The following TRPM6 variants were observed in gnomAD, a reference collection of about 807,000 sequenced individuals.
The protein encoded by TRPM6 is channel kinase 2.
In TRPM6, 111 loss-of-function variants were observed where a neutral mutation model predicts 247.6. The observed-to-expected ratio is 0.45, with a 90% CI of 0.38 to 0.52. The LOEUF (loss-of-function observed/expected upper bound fraction) is 0.52. TRPM6 is among the 20% of genes least tolerant of loss of function. The pLI, the probability that TRPM6 is intolerant of heterozygous loss-of-function variation, is 0.00. For synonymous variants in TRPM6, 892 were observed against 853.8 expected (o/e 1.04, Z -0.78); for missense variants, 2,126 against 2,421.5 (o/e 0.88, Z 2.56).
In TRPM6 at chr9:74,792,657, G is replaced by A. The variant is rs745445346; in HGVS notation, c.2505C>T (p.Tyr835=). ...ACCAAAACTTGACAATTGGAGCACT[G>A]TAGAACTCATAGACTTTCCTGGTCC... ...LPWTRKVYEF[Y]SAPIVKFWFY... Residue 835 remains tyrosine, a synonymous_variant, in exon 19 of 39, where the codon TAC becomes TAT. Transcript: ENST00000360774. 17 of 1,614,102 alleles carry A rather than the reference G, an allele frequency of 1.1e-5. No individual in the cohort carries two copies. The highest frequency in any genetic ancestry group is 1.4e-5 in the Non-Finnish European group (17 of 1,179,990).
chr9:74,739,298 A>G (rs1417896161), intron 35 of TRPM6, 69 bp downstream of exon 35: 3 of 1,348,356 alleles, frequency 2.2e-6, no homozygotes, highest in Admixed American at 1.7e-5. Flanking sequence ...TCTCATGAGT[A>G]ATGGGCTGAG....
At chr9:74,801,828 G>T in intron 16 of TRPM6, 70 bp downstream of exon 16, 1 of 1,570,064 alleles carries the variant, frequency 6.4e-7, no homozygotes, top group Non-Finnish European at 8.7e-7. Flanking sequence ...TTAAAGATGA[G>T]AGAGATAAAA....
intron 11 of TRPM6, among the ~76,000 whole-genome samples, chr9:74,814,038 A>G (rs1166200517): frequency 6.6e-6 from 1 of 152,202 alleles, no homozygotes; most frequent in Non-Finnish European, 1.5e-5. Flanking sequence ...TGGACATTGC[A>G]ATAAGCCAAG....
chr9:74,731,548 G>C (rs1479797372), intron 37 of TRPM6, among the ~76,000 whole-genome samples: 1 of 151,698 alleles, frequency 6.6e-6, no homozygotes, highest in Admixed American at 6.6e-5. Flanking sequence ...TACACTTTTA[G>C]ATGGGCCTCT....
At chr9:74,825,077 T>G (rs1400240659) in intron 7 of TRPM6, among the ~76,000 whole-genome samples, 1 of 151,998 alleles carries the variant, frequency 6.6e-6, no homozygotes, top group East Asian at 1.9e-4. Flanking sequence ...CTGGCCAACA[T>G]GGTAAAATCC....
chr9:74,785,630 C>T (rs1004588541), intron 21 of TRPM6, among the ~76,000 whole-genome samples: 3 of 152,118 alleles, frequency 2.0e-5, no homozygotes, highest in East Asian at 3.9e-4. Context: ...TCGTGCTATT[C>T]TCCCGCCTCA....
At position 74,782,405 on chromosome 9, in the gene TRPM6, C is replaced by T. The variant is rs1326571274; in HGVS notation, c.3166G>A (p.Val1056Met). Residue 1056 changes from valine to methionine, a missense_variant, in exon 23 of 39, where the codon GTG (valine) becomes ATG (methionine). Val to Met is a conservative substitution (Grantham distance 21, BLOSUM62 1). Around this residue, in one of 3 missense-constraint regions of TRPM6, gnomAD observed 1,082 missense variants for 1,307.9 expected, o/e 0.83. Coordinates refer to ENST00000360774, the MANE Select transcript of TRPM6 (RefSeq NM_017662.5). The stretch of plus-strand genomic sequence containing the variant: ...AGGTTCACCATGATGATATATTGCA[C>T]GAAGAGGTAGACAGCTTGCAAGAAT... ...TPFLQAVYLF[V>M]QYIIMVNLLI... The T allele has an allele frequency of 1.2e-5, 19 of 1,613,746 alleles. No individual in the cohort carries two copies. Among genetic ancestry groups the T allele is most frequent in the South Asian group, 4.4e-5 (4 of 91,046 alleles).
At chr9:74,731,148 G>A (rs1225251429) in intron 37 of TRPM6, among the ~76,000 whole-genome samples, 1 of 152,134 alleles carries the variant, frequency 6.6e-6, no homozygotes, top group African/African-American at 2.4e-5. Flanking sequence ...CCTGTCAAGT[G>A]GGATAATATA....
At chr9:74,752,244 T>C in intron 29 of TRPM6, 33 bp downstream of exon 29, 1 of 1,327,326 alleles carries the variant, frequency 7.5e-7, no homozygotes, top group Non-Finnish European at 1.1e-6. Context: ...CATGCTCGAA[T>C]GCTTTTTTTT....
At position 74,724,618 on chromosome 9, in the gene TRPM6, G is replaced by C. The variant is rs752611015; in HGVS notation, c.6064C>G (p.Leu2022Val). The C allele has an allele frequency of 3.7e-6, 6 of 1,614,160 alleles. No individual in the cohort carries two copies. The South Asian group carries it at 5.5e-5, about 15-fold the overall frequency. ...ATCTTCTTGCTCCTCCCTTTTTATA[G>C]TTGCATATCATCTTCTGGGGAATTT... ...GRNSPEDDMQ[L>V] The change falls in exon 39 of 39, where the codon CTA becomes GTA. Residue 2022 changes from leucine (L) to valine (V), a missense_variant. Physicochemically the swap from Leu to Val is conservative, Grantham distance 32 (BLOSUM62 1). Coordinates refer to ENST00000360774, the MANE Select transcript of TRPM6 (RefSeq NM_017662.5).
At position 74,827,793 on chromosome 9, in the gene TRPM6, G is replaced by T. The variant is rs1829393625; in HGVS notation, c.826C>A (p.Gln276Lys). 1 of 1,614,116 alleles carries T rather than the reference G, an allele frequency of 6.2e-7. No homozygotes were observed. ...RRNLEKYLSL[Q>K]KIHCRSRQGV... ...TGATACTCACGGCAGTGTATTTTCTGCAGAGAGAGGTACTTCTCCAGGTTC... is the reference window on the plus strand; with the variant it reads ...TGATACTCACGGCAGTGTATTTTCTTCAGAGAGAGGTACTTCTCCAGGTTC... Residue 276 changes from glutamine (Q) to lysine (K), a missense_variant, in exon 7 of 39, where the codon CAG (glutamine) becomes AAG (lysine). Transcript: ENST00000360774.
At chr9:74,760,185 AG>A (rs1587477251) in intron 27 of TRPM6, among the ~76,000 whole-genome samples, 1 of 152,220 alleles carries the variant, frequency 6.6e-6, no homozygotes, top group East Asian at 1.9e-4. Context: ...GTAATGCTCT[AG>A]GCCTTTGCAT....
chr9:74,874,036 G>T (rs948930506), intron 1 of TRPM6, among the ~76,000 whole-genome samples: 3 of 152,058 alleles, frequency 2.0e-5, no homozygotes, highest in African/African-American at 7.2e-5. Context: ...AGGGGTTCAA[G>T]ACCAGCCTGG....
rs12115672 is a variant in TRPM6 at position 74,810,610 on chromosome 9, C to G, written c.1497+205G>C. Among the ~76,000 whole-genome samples, 41,266 of 152,014 alleles carry G rather than the reference C, an allele frequency of 0.27. 5,977 individuals carry two copies. Among genetic ancestry groups the G allele is most frequent in the African/African-American group, 0.38 (15,711 of 41,470 alleles). ...AGCAAATATCACCTAACTGATGGATCAAGTCTTTTAAAACATAAAGTAAAT... is the reference window on the plus strand; with the variant it reads ...AGCAAATATCACCTAACTGATGGATGAAGTCTTTTAAAACATAAAGTAAAT... On this transcript the variant is annotated intron_variant, in intron 13 of 38. Coordinates refer to ENST00000360774, the MANE Select transcript of TRPM6 (RefSeq NM_017662.5).
At chr9:74,830,243 T>C (rs888711917) in intron 6 of TRPM6, among the ~76,000 whole-genome samples, 6 of 151,774 alleles carry the variant, frequency 4.0e-5, no homozygotes, top group African/African-American at 1.5e-4. Flanking sequence ...ATCAGGGAAA[T>C]GTAAATAAGA....
chr9:74,796,309 C>T (rs1486999155), intron 18 of TRPM6, among the ~76,000 whole-genome samples: 1 of 152,110 alleles, frequency 6.6e-6, no homozygotes, highest in Non-Finnish European at 1.5e-5. Context: ...ATTGTAAGCC[C>T]CACAGTTGAA....
At position 74,792,610 on chromosome 9, in the gene TRPM6, G is replaced by T; in HGVS notation, c.2538+14C>A. Reference sequence around the variant, plus strand: ...CATCATTAATCCGACATATATTGTTGCAATGAGACCAACCGTATAAAACCA... The same window carrying T: ...CATCATTAATCCGACATATATTGTTTCAATGAGACCAACCGTATAAAACCA... On this transcript the variant is annotated intron_variant, in intron 19 of 38. Coordinates refer to ENST00000360774, the MANE Select transcript of TRPM6 (RefSeq NM_017662.5). The T allele has an allele frequency of 1.2e-6, 2 of 1,612,580 alleles. No homozygotes were observed.
intron 12 of TRPM6, among the ~76,000 whole-genome samples, chr9:74,811,231 T>A (rs182954132): frequency 4.2e-4 from 64 of 152,280 alleles, no homozygotes; most frequent in African/African-American, 1.5e-3. Flanking sequence ...AATTAGGGAT[T>A]CAATGACAAA....
Position 74,801,905 on chromosome 9 carries a change from A to G in TRPM6, c.2002T>C (p.Tyr668His). Residue 668 changes from tyrosine (Y) to histidine (H), a missense_variant, in exon 16 of 39, where the codon TAC (tyrosine) becomes CAC (histidine). Physicochemically the swap from Tyr to His is moderately conservative, Grantham distance 83. Coordinates refer to ENST00000360774, the MANE Select transcript of TRPM6 (RefSeq NM_017662.5). The part of the protein sequence containing the change: ...VDDASEELKN[Y>H]SKQFGQLALD... ...TGAAGAGAGAACACTTACTTTGAGTAATTCTTCAACTCTTCTGAGGCATCA... is the reference window on the plus strand; with the variant it reads ...TGAAGAGAGAACACTTACTTTGAGTGATTCTTCAACTCTTCTGAGGCATCA... The G allele has an allele frequency of 6.2e-7, 1 of 1,614,208 alleles. No individual in the cohort carries two copies. Among genetic ancestry groups the G allele is most frequent in the African/African-American group, 1.3e-5 (1 of 75,072 alleles).
Sources: gnomAD v4.1 joint callset for allele counts (sites outside exome capture counted in the v4.1 genomes callset) on GRCh38, gnomAD v4.1.1 for gene constraint, gnomAD v4.1.1 regional missense constraint, MANE v1.5 for transcripts, NCBI Gene and HGNC (gene_info 2026-07-23, HGNC 2026-07-21) for gene names.